LDHC: variants seen among roughly 807,000 people sequenced by gnomAD.
LDHC encodes the protein L-lactate dehydrogenase C chain.
In LDHC, 20 loss-of-function variants were observed where a neutral mutation model predicts 30.2. The observed-to-expected ratio is 0.66, with a 90% CI of 0.47 to 0.96. LDHC has a LOEUF of 0.96. Ranked by LOEUF, LDHC falls within the 40% of genes least tolerant of loss-of-function variation. The pLI is 0.00. For missense variants in LDHC, 362 were observed against 394.9 expected, an observed-to-expected ratio of 0.92 and a Z score of 0.71; for synonymous variants, 139 against 132.7, an observed-to-expected ratio of 1.05 and a Z score of -0.32.
In LDHC at chr11:18,435,989, T is replaced by A. The variant is rs188074527; in HGVS notation, c.592+1076T>A. ...GTCATGTATGTAAATCTTCTTTCCA[T>A]AATGGCAATAAACCAATTGAGAATA... On this transcript the variant is annotated intron_variant, in intron 5 of 7. Transcript: ENST00000541669. Among the ~76,000 whole-genome samples the A allele has an allele frequency of 6.6e-5, 10 of 152,336 alleles. No homozygotes were observed. The East Asian group carries it at 1.9e-3, about 29-fold the overall frequency.
Position 18,446,311 on chromosome 11 carries a change from A to G in LDHC, c.812A>G (p.His271Arg), listed in dbSNP as rs1848554892. The G allele has an allele frequency of 2.5e-6, 4 of 1,606,824 alleles. No individual in the cohort carries two copies. The highest frequency in any genetic ancestry group is 2.6e-6 in the Non-Finnish European group (3 of 1,173,780). Residue 271 changes from histidine (H) to arginine (R), a missense_variant, in exon 7 of 8, where the codon CAC (histidine) becomes CGC (arginine). Physicochemically the swap from His to Arg is conservative, Grantham distance 29 (BLOSUM62 0). Transcript: ENST00000541669. ...ATTTTGAAAAATCTTAGGAGAGTGC[A>G]CCCAGTTTCCACCATGGTTAAGGTA... ...GSILKNLRRV[H>R]PVSTMVKGLY... is the part of the protein sequence containing the mutation.
At chr11:18,444,434 C>A (rs567314276) in intron 6 of LDHC, among the ~76,000 whole-genome samples, 2 of 151,734 alleles carry the variant, frequency 1.3e-5, no homozygotes, top group African/African-American at 4.8e-5. Flanking sequence ...CTTTCCCTTT[C>A]CTTTTACTTA....
intron 2 of LDHC, 33 bp from the exon 3 acceptor site, chr11:18,415,151 G>C: frequency 8.3e-7 from 1 of 1,211,714 alleles, no homozygotes. Context: ...ACTTAAGTAG[G>C]AACATTTTAT....
chr11:18,412,985 CCCTT>C (rs201993031), intron 2 of LDHC, 142 bp downstream of exon 2: 4,715 of 355,802 alleles, frequency 0.013, 52 homozygotes, highest in African/African-American at 0.025. Context: ...CTCCCTCCCT[CCCTT>C]CCTTCCTTCC....
At chr11:18,444,760 T>G (rs1848527887) in intron 6 of LDHC, among the ~76,000 whole-genome samples, 1 of 151,442 alleles carries the variant, frequency 6.6e-6, no homozygotes, top group East Asian at 1.9e-4. Context: ...TTGCTTCTTG[T>G]CCTGTATCCT....
intron 4 of LDHC, among the ~76,000 whole-genome samples, chr11:18,433,691 T>C (rs752958913): frequency 1.8e-4 from 28 of 152,338 alleles, no homozygotes; most frequent in Non-Finnish European, 3.7e-4. Flanking sequence ...GGTTTTTCTT[T>C]ATAGGTTACC....
chr11:18,450,998 T>C lies in LDHC; in HGVS notation c.870T>C (p.Ser290=), dbSNP rs1565060236. Residue 290 remains serine, a synonymous_variant, in exon 8 of 8, where the codon AGT becomes AGC. Transcript: ENST00000541669. ...GAATAAAAGAAGAACTCTTTCTCAG[T>C]ATCCCTTGTGTCTTGGGGCGGAATG... is the stretch of plus-strand genomic sequence containing the variant. ...LYGIKEELFL[S]IPCVLGRNGV... 1 of 1,594,928 alleles carries C rather than the reference T, an allele frequency of 6.3e-7. No individual in the cohort carries two copies. The highest frequency in any genetic ancestry group is 8.5e-7 in the Non-Finnish European group (1 of 1,173,970).
rs144280297 is a variant in LDHC, at chr11:18,439,964, C to T, written c.710+1319C>T. ...CCAATATTGTGCCAGTGCAATCCAG[C>T]CTGGGCAACAGAGCAAGACTCTGTC... On this transcript the variant is annotated intron_variant, in intron 6 of 7. Transcript: ENST00000541669. Among the ~76,000 whole-genome samples the T allele has an allele frequency of 3.6e-3, 550 of 151,518 alleles. 7 individuals are homozygous for T. Among genetic ancestry groups the T allele is most frequent in the African/African-American group, 0.013 (533 of 41,236 alleles).
intron 5 of LDHC, among the ~76,000 whole-genome samples, chr11:18,436,195 A>C (rs1848350642): frequency 6.6e-6 from 1 of 152,046 alleles, no homozygotes; most frequent in South Asian, 2.1e-4. Context: ...ATTAAAACTA[A>C]TTTTCTCTGG....
At chr11:18,448,394 G>C (rs963648719) in intron 7 of LDHC, among the ~76,000 whole-genome samples, 5 of 151,998 alleles carry the variant, frequency 3.3e-5, no homozygotes, top group African/African-American at 1.2e-4. Flanking sequence ...AGCGATTCTT[G>C]TGCCTCAGCC....
rs138486729 is a variant in LDHC at position 18,413,927 on chromosome 11, C to T, written c.126+1084C>T. Among the ~76,000 whole-genome samples the T allele has an allele frequency of 5.9e-5, 9 of 152,322 alleles. No individual in the cohort carries two copies. The East Asian group carries it at 1.7e-3, about 29-fold the overall frequency. On this transcript the variant is annotated intron_variant, in intron 2 of 7. Transcript: ENST00000541669. ...AAAAGACGAAATATTGTTCATGTAA[C>T]TGGAAATAGGGCAAAACTGCTTCAG...
intron 7 of LDHC, among the ~76,000 whole-genome samples, chr11:18,448,519 G>A (rs1054075376): frequency 1.3e-5 from 2 of 152,170 alleles, no homozygotes; most frequent in Non-Finnish European, 2.9e-5. Flanking sequence ...GTGACCTGAA[G>A]CGATCCAACC....
chr11:18,438,374 C>G (rs997019411), intron 5 of LDHC, among the ~76,000 whole-genome samples, 154 bp from the exon 6 acceptor site: 20 of 152,128 alleles, frequency 1.3e-4, no homozygotes, highest in African/African-American at 4.8e-4. Context: ...CTTCCCACCC[C>G]CAACACTAGC....
At chr11:18,433,938 G>A (rs923445817) in intron 4 of LDHC, among the ~76,000 whole-genome samples, 2 of 152,278 alleles carry the variant, frequency 1.3e-5, no homozygotes, top group South Asian at 2.1e-4. Context: ...CAGGAACACC[G>A]ATTATTCTTA....
intron 3 of LDHC, among the ~76,000 whole-genome samples, chr11:18,418,362 G>A (rs540400159): frequency 7.3e-5 from 11 of 149,844 alleles, no homozygotes; most frequent in African/African-American, 2.7e-4. Context: ...TGGGGTATCA[G>A]TATGTTTTGT....
intron 1 of LDHC, 115 bp downstream of exon 1, chr11:18,412,523 G>T: frequency 1.9e-6 from 1 of 526,638 alleles, no homozygotes; most frequent in Non-Finnish European, 3.4e-6. Flanking sequence ...CCAAAAGCCC[G>T]CTGGTGCCCC....
chr11:18,424,007 A>G (rs1312312846), intron 3 of LDHC, among the ~76,000 whole-genome samples: 1 of 83,364 alleles, frequency 1.2e-5, no homozygotes, highest in Non-Finnish European at 3.1e-5. Context: ...AGATTGGTAG[A>G]AGTGTGATAG....
chr11:18,419,878 G>A (rs1867086711), intron 3 of LDHC, among the ~76,000 whole-genome samples: 3 of 152,132 alleles, frequency 2.0e-5, no homozygotes. Context: ...GATTGGTTGA[G>A]GTCAGGAGTT....
chr11:18,441,394 C>T (rs763813947), intron 6 of LDHC, among the ~76,000 whole-genome samples: 7 of 151,558 alleles, frequency 4.6e-5, no homozygotes, highest in South Asian at 2.1e-4. Flanking sequence ...CTCTGCACTC[C>T]GCCTCCCGGG....
Sources: allele counts gnomAD v4.1 joint callset (sites outside exome capture counted in the v4.1 genomes callset), GRCh38; gene constraint gnomAD v4.1.1; transcripts MANE v1.5; gene names NCBI Gene and HGNC (gene_info 2026-07-23, HGNC 2026-07-21).